SKAP1: variants seen among roughly 807,000 people sequenced by gnomAD.
SKAP1 encodes src kinase-associated phosphoprotein 1.
SKAP1 carries 44 observed loss-of-function variants against 58.5 expected under a neutral mutation model. The ratio of observed to expected loss-of-function variants is 0.75; its 90% CI spans 0.59 to 0.97. The LOEUF is 0.97. SKAP1 is among the 50% of genes least tolerant of loss of function. The probability of loss-of-function intolerance (pLI) is 0.00; values close to 1 mark genes in which losing one functional copy is unlikely to be tolerated. For synonymous variants in SKAP1, 127 were observed against 149.7 expected, an observed-to-expected ratio of 0.85 and a Z score of 1.11; for missense variants, 390 against 435.2, an observed-to-expected ratio of 0.90 and a Z score of 0.92.
intron 3 of SKAP1, among the ~76,000 whole-genome samples, chr17:48,352,074 A>T (rs983188107): frequency 6.9e-6 from 1 of 145,268 alleles, no homozygotes; most frequent in African/African-American, 2.6e-5. Flanking sequence ...AAAAGAAACA[A>T]GAAAAGAGAA....
At chr17:48,209,050 A>G (rs1296943396) in intron 4 of SKAP1, among the ~76,000 whole-genome samples, 1 of 152,192 alleles carries the variant, frequency 6.6e-6, no homozygotes. Flanking sequence ...TTTCTATAAT[A>G]AGAAAAATGA....
intron 5 of SKAP1, 70 bp downstream of exon 5, chr17:48,189,353 G>T: frequency 7.7e-7 from 1 of 1,294,526 alleles, no homozygotes; most frequent in Non-Finnish European, 1.1e-6. Flanking sequence ...CATCCAATGT[G>T]TTAGCCTTCT....
intron 2 of SKAP1, among the ~76,000 whole-genome samples, chr17:48,382,992 G>C (rs1037693331): frequency 6.6e-6 from 1 of 152,226 alleles, no homozygotes; most frequent in Non-Finnish European, 1.5e-5. Context: ...GAGCTAAGAT[G>C]ACTCTAGCCG....
chr17:48,312,472 G>A (rs971260185), intron 4 of SKAP1, among the ~76,000 whole-genome samples: 5 of 152,194 alleles, frequency 3.3e-5, no homozygotes, highest in African/African-American at 1.2e-4. Flanking sequence ...TGTCTCCTCA[G>A]CAAGGGTTTC....
At chr17:48,236,443 G>T (rs764655445) in intron 4 of SKAP1, among the ~76,000 whole-genome samples, 1 of 152,062 alleles carries the variant, frequency 6.6e-6, no homozygotes, top group Non-Finnish European at 1.5e-5. Context: ...TACCACAGTA[G>T]GTTCTTGATA....
intron 4 of SKAP1, among the ~76,000 whole-genome samples, chr17:48,285,900 CCTCT>C (rs2065824345): frequency 6.6e-6 from 1 of 152,172 alleles, no homozygotes; most frequent in Admixed American, 6.5e-5. Context: ...AGTTACTTAA[CCTCT>C]CTGATTCTCA....
At chr17:48,405,478 CTTTCT>C (rs2067568719) in intron 1 of SKAP1, among the ~76,000 whole-genome samples, 3 of 120,396 alleles carry the variant, frequency 2.5e-5, no homozygotes, top group East Asian at 2.4e-4. Context: ...TTCCTTCCTT[CTTTCT>C]TTTCTTTTCT....
chr17:48,288,607 A>T (rs541850466), intron 4 of SKAP1, among the ~76,000 whole-genome samples: 2 of 152,144 alleles, frequency 1.3e-5, no homozygotes, highest in Admixed American at 1.3e-4. Flanking sequence ...GCTCGCTTGA[A>T]CCCAGGAGAT....
At chr17:48,225,198 T>G (rs2065053920) in intron 4 of SKAP1, among the ~76,000 whole-genome samples, 1 of 152,212 alleles carries the variant, frequency 6.6e-6, no homozygotes, top group Non-Finnish European at 1.5e-5. Flanking sequence ...TAAATGGGAT[T>G]GAATGAGTTA....
intron 2 of SKAP1, among the ~76,000 whole-genome samples, chr17:48,369,172 A>AATAC (rs1730032327): frequency 7.6e-6 from 1 of 130,774 alleles, no homozygotes; most frequent in African/African-American, 3.1e-5. Flanking sequence ...TAAATAAATA[A>AATAC]ATAAATATAA....
chr17:48,284,644 G>A lies in SKAP1; in HGVS notation c.280+61261C>T, dbSNP rs555923223. On this transcript the variant is annotated intron_variant, in intron 4 of 12. Transcript: ENST00000336915. ...AATATATCCCTTTTTTATAAGTAAC[G>A]CAGGGATCTATACATCTTTGACAAT... Among the ~76,000 whole-genome samples, 9 of 152,206 alleles carry A rather than the reference G, an allele frequency of 5.9e-5. No homozygotes were observed. The South Asian group carries it at 1.9e-3, about 32-fold the overall frequency.
At chr17:48,374,154 C>T (rs2067124259) in intron 2 of SKAP1, among the ~76,000 whole-genome samples, 1 of 151,936 alleles carries the variant, frequency 6.6e-6, no homozygotes, top group Non-Finnish European at 1.5e-5. Context: ...TCCACCTTAG[C>T]TTCTTGAGTA....
chr17:48,371,132 TG>T (rs2067079346), intron 2 of SKAP1, among the ~76,000 whole-genome samples: 1 of 151,980 alleles, frequency 6.6e-6, no homozygotes, highest in Admixed American at 6.6e-5. Flanking sequence ...CTAATAGAGA[TG>T]GGGAAAGAGA....
chr17:48,366,808 A>G (rs748567963), intron 2 of SKAP1, among the ~76,000 whole-genome samples: 1 of 152,184 alleles, frequency 6.6e-6, no homozygotes, highest in Non-Finnish European at 1.5e-5. Flanking sequence ...CTAATTTAAT[A>G]TAAATAGAAA....
At chr17:48,192,257 G>A (rs1038727402) in intron 4 of SKAP1, among the ~76,000 whole-genome samples, 17 of 151,796 alleles carry the variant, frequency 1.1e-4, no homozygotes, top group Non-Finnish European at 2.1e-4. Flanking sequence ...GATCCCATAA[G>A]CTGGGAGTTT....
chr17:48,167,105 A>G (rs2064150078), intron 10 of SKAP1, among the ~76,000 whole-genome samples: 1 of 152,128 alleles, frequency 6.6e-6, no homozygotes, highest in African/African-American at 2.4e-5. Flanking sequence ...GGCTCAAGCA[A>G]TTCTCCCATC....
chr17:48,394,705 G>A (rs185161562), intron 2 of SKAP1, among the ~76,000 whole-genome samples: 2 of 152,170 alleles, frequency 1.3e-5, no homozygotes, highest in East Asian at 3.9e-4. Flanking sequence ...AAGCTTTTTG[G>A]GGGACATATA....
chr17:48,234,011 C>T (rs1042907501), intron 4 of SKAP1, among the ~76,000 whole-genome samples: 1 of 152,152 alleles, frequency 6.6e-6, no homozygotes, highest in Non-Finnish European at 1.5e-5. Flanking sequence ...CTATAACTAG[C>T]AATTTAATAA....
At chr17:48,217,826 A>G (rs1476143972) in intron 4 of SKAP1, among the ~76,000 whole-genome samples, 1 of 152,248 alleles carries the variant, frequency 6.6e-6, no homozygotes, top group East Asian at 1.9e-4. Flanking sequence ...AAAGGATGCC[A>G]GTGCTGACTG....
Sources: gnomAD v4.1 joint callset for allele counts (sites outside exome capture counted in the v4.1 genomes callset) on GRCh38, gnomAD v4.1.1 for gene constraint, MANE v1.5 for transcripts, NCBI Gene and HGNC (gene_info 2026-07-23, HGNC 2026-07-21) for gene names.